Variants in PXDC1 observed in about 807,000 individuals in gnomAD.
PXDC1 encodes PX domain-containing protein 1.
Under a neutral mutation model 24.4 loss-of-function variants are expected in PXDC1, and 13 were observed. The observed-to-expected ratio is 0.53, with a 90% CI of 0.35 to 0.85. PXDC1 has a LOEUF of 0.85. Ranked by LOEUF, PXDC1 falls within the 40% of genes least tolerant of loss-of-function variation. The pLI is 0.01. For synonymous variants in PXDC1, 162 were observed against 124.9 expected (o/e 1.30, Z -1.98); for missense variants, 344 against 309.3 (o/e 1.11, Z -0.84).
chr6:3,726,415 C>A (rs1760067585), intron 4 of PXDC1, among the ~76,000 whole-genome samples: 1 of 152,250 alleles, frequency 6.6e-6, no homozygotes, highest in African/African-American at 2.4e-5. Context: ...GCCTTGGCCC[C>A]ACCGGCACAG....
rs889073880 is a variant in PXDC1 at position 3,728,797 on chromosome 6, G to A, written c.467-1135C>T. Among the ~76,000 whole-genome samples the A allele has an allele frequency of 3.3e-5, 5 of 152,144 alleles. No individual in the cohort carries two copies. Among genetic ancestry groups the A allele is most frequent in the Non-Finnish European group, 5.9e-5 (4 of 68,022 alleles). On this transcript the variant is annotated intron_variant, in intron 3 of 4. Transcript: ENST00000380283. The surrounding 1 kb of genome is among the most constrained non-coding windows in gnomAD (Gnocchi z 4.0). ...GTTCGTTTGTATTTTCTGAGGGACC[G>A]CGTTTCCGTCCCCTCGCTCAGCAGA...
At chr6:3,732,771 G>A (rs1222139697) in intron 3 of PXDC1, among the ~76,000 whole-genome samples, 2 of 152,152 alleles carry the variant, frequency 1.3e-5, no homozygotes, top group African/African-American at 4.8e-5. Context: ...AAAAGCCAAG[G>A]TACTCAGCAC....
chr6:3,727,529 A>G (rs1386261273), intron 4 of PXDC1, 22 bp downstream of exon 4: 14 of 1,505,424 alleles, frequency 9.3e-6, no homozygotes, highest in Non-Finnish European at 1.3e-5. Flanking sequence ...CTATGAAACG[A>G]TATTCAAATC....
rs543533210 is a variant in PXDC1, at chr6:3,725,285, A to T, written c.579-1549T>A. Among the ~76,000 whole-genome samples the T allele has an allele frequency of 5.8e-4, 88 of 152,164 alleles. 1 individual carries two copies. The highest frequency in any genetic ancestry group is 1.6e-3 in the Admixed American group (24 of 15,292). On this transcript the variant is annotated intron_variant, in intron 4 of 4. Transcript: ENST00000380283. The surrounding 1 kb of genome is among the most constrained non-coding windows in gnomAD (Gnocchi z 4.8). ...CCTGAGGACATGAGGAGGGAGGGGGACCGGGATGCTCAGGGAAAATGAGTC... is the reference window on the plus strand; with the variant it reads ...CCTGAGGACATGAGGAGGGAGGGGGTCCGGGATGCTCAGGGAAAATGAGTC...
At chr6:3,746,395 G>C (rs1371884104) in intron 1 of PXDC1, among the ~76,000 whole-genome samples, 1 of 152,206 alleles carries the variant, frequency 6.6e-6, no homozygotes, top group Non-Finnish European at 1.5e-5. Flanking sequence ...AGAGGAGGCC[G>C]CGTGAAGGTG....
intron 1 of PXDC1, among the ~76,000 whole-genome samples, chr6:3,739,611 G>A (rs970843680): frequency 1.4e-4 from 21 of 152,328 alleles, no homozygotes; most frequent in Non-Finnish European, 2.2e-4. Flanking sequence ...TGCCCTGGCC[G>A]TCACCAGAGG....
rs963392080 is a variant in PXDC1 at position 3,722,718 on chromosome 6, C to T, written c.*901G>A. 1.3e-5 allele frequency: 2 copies of T among 152,612 alleles called. No individual in the cohort carries two copies. Among genetic ancestry groups the T allele is most frequent in the Non-Finnish European group, 1.5e-5 (1 of 68,044 alleles). 9.5% of individuals were successfully genotyped at this position (152,612 alleles called of 1,614,324 possible). A position where few individuals can be genotyped will look rare whatever the true frequency, so the allele number is the denominator to read the frequency against. On this transcript the variant is annotated 3_prime_UTR_variant, in exon 5 of 5. Coordinates refer to ENST00000380283, the MANE Select transcript of PXDC1 (RefSeq NM_183373.4). ...TACTATTATTTACATTAGCAAATGT[C>T]GGTCGTTAGTAGACACTGAGCAGAG...
chr6:3,743,152 T>C (rs996924163), intron 1 of PXDC1, among the ~76,000 whole-genome samples: 1 of 152,152 alleles, frequency 6.6e-6, no homozygotes, highest in African/African-American at 2.4e-5. Flanking sequence ...GGGAGGACCT[T>C]GGCCATCTGA....
At chr6:3,736,277 T>C (rs911083277) in intron 3 of PXDC1, among the ~76,000 whole-genome samples, 1 of 152,182 alleles carries the variant, frequency 6.6e-6, no homozygotes, top group Non-Finnish European at 1.5e-5. Context: ...AACGGAATGA[T>C]GGACACAGGC....
At chr6:3,743,092 A>G (rs570748599) in intron 1 of PXDC1, among the ~76,000 whole-genome samples, 85 of 152,312 alleles carry the variant, frequency 5.6e-4, no homozygotes, top group African/African-American at 1.9e-3. Context: ...TTTTTTGGGA[A>G]TTGGAGGCTT....
At chr6:3,744,955 C>T (rs1760532791) in intron 1 of PXDC1, among the ~76,000 whole-genome samples, 1 of 152,240 alleles carries the variant, frequency 6.6e-6, no homozygotes, top group Non-Finnish European at 1.5e-5. Flanking sequence ...CTGCCTCGGC[C>T]TCCCAAAGTG....
At chr6:3,741,507 G>A (rs1305561415) in intron 1 of PXDC1, among the ~76,000 whole-genome samples, 1 of 152,230 alleles carries the variant, frequency 6.6e-6, no homozygotes, top group Non-Finnish European at 1.5e-5. Flanking sequence ...TGGCAATCTG[G>A]ATCAGCTTTC....
intron 3 of PXDC1, among the ~76,000 whole-genome samples, chr6:3,730,860 C>T (rs532170230): frequency 7.9e-4 from 121 of 152,338 alleles, no homozygotes; most frequent in Admixed American, 1.4e-3. Flanking sequence ...TCAGGAGGCA[C>T]GAGCAGGTAG....
chr6:3,751,213 C>T, intron 1 of PXDC1, 63 bp downstream of exon 1: 2 of 1,244,806 alleles, frequency 1.6e-6, no homozygotes, highest in African/African-American at 1.6e-5. Context: ...CTCTTCCCCG[C>T]CTCCTTCGTG....
chr6:3,731,458 A>G (rs1760193838), intron 3 of PXDC1, among the ~76,000 whole-genome samples: 1 of 152,286 alleles, frequency 6.6e-6, no homozygotes, highest in Non-Finnish European at 1.5e-5. Flanking sequence ...TAGCCATTTT[A>G]ATCACATACA....
At chr6:3,730,832 G>A (rs1329775418) in intron 3 of PXDC1, among the ~76,000 whole-genome samples, 1 of 152,252 alleles carries the variant, frequency 6.6e-6, no homozygotes, top group Non-Finnish European at 1.5e-5. Flanking sequence ...GCGTGTCTCA[G>A]TGTGGAATGC....
chr6:3,731,232 CCAAACAGCCGTAT>C (rs1252100012), intron 3 of PXDC1, among the ~76,000 whole-genome samples: 1 of 152,192 alleles, frequency 6.6e-6, no homozygotes, highest in East Asian at 1.9e-4. Flanking sequence ...ATTGATGAGT[CCAAACAGCCGTAT>C]CAAGGCTGAG....
At chr6:3,734,216 A>G (rs1376488364) in intron 3 of PXDC1, among the ~76,000 whole-genome samples, 1 of 152,226 alleles carries the variant, frequency 6.6e-6, no homozygotes, top group African/African-American at 2.4e-5. Flanking sequence ...GTTCATACAC[A>G]TCGCTGATAG....
intron 1 of PXDC1, among the ~76,000 whole-genome samples, chr6:3,741,598 G>A (rs1337500162): frequency 2.0e-5 from 3 of 152,222 alleles, no homozygotes; most frequent in East Asian, 3.8e-4. Flanking sequence ...AGGAGGGGCC[G>A]CAGCTGATTC....
Sources: gnomAD v4.1 joint callset for allele counts (sites outside exome capture counted in the v4.1 genomes callset) on GRCh38, gnomAD v4.1.1 for gene constraint, Gnocchi (gnomAD v3.1) non-coding constraint, MANE v1.5 for transcripts, NCBI Gene and HGNC (gene_info 2026-07-23, HGNC 2026-07-21) for gene names.